Variants in CDH4 observed in about 807,000 individuals in gnomAD.
CDH4 encodes the protein cadherin-4.
In CDH4, 33 loss-of-function variants were observed where a neutral mutation model predicts 86.0. The ratio of observed to expected loss-of-function variants is 0.38; its 90% confidence interval spans 0.29 to 0.51. The LOEUF (loss-of-function observed/expected upper bound fraction) is 0.51. CDH4 is among the 20% of genes least tolerant of loss of function. The pLI is 0.86. For missense variants in CDH4, 1,114 were observed against 1,307.4 expected, an observed-to-expected ratio of 0.85 and a Z score of 2.28; for synonymous variants, 555 against 549.4, an observed-to-expected ratio of 1.01 and a Z score of -0.14.
intron 2 of CDH4, among the ~76,000 whole-genome samples, chr20:61,357,759 G>C (rs2084759328): frequency 6.6e-6 from 1 of 152,300 alleles, no homozygotes; most frequent in Non-Finnish European, 1.5e-5. Context: ...GCTAATCCAA[G>C]GGTTGTAAAA....
intron 2 of CDH4, among the ~76,000 whole-genome samples, chr20:61,308,671 G>C (rs1357165525): frequency 6.6e-6 from 1 of 152,190 alleles, no homozygotes; most frequent in East Asian, 1.9e-4. Flanking sequence ...GTGTTTCCTT[G>C]TCTGATGTGG....
intron 2 of CDH4, among the ~76,000 whole-genome samples, chr20:61,507,301 G>A (rs769341499): frequency 7.2e-5 from 11 of 152,118 alleles, no homozygotes; most frequent in Non-Finnish European, 1.0e-4. Flanking sequence ...TATAATAACC[G>A]TCTTCAGATA....
chr20:61,409,454 AT>A, intron 2 of CDH4, among the ~76,000 whole-genome samples: 1 of 152,362 alleles, frequency 6.6e-6, no homozygotes, highest in East Asian at 1.9e-4. Flanking sequence ...CAAATTGAAA[AT>A]TAAGCATCCA....
chr20:61,599,880 T>C (rs2086585212), intron 2 of CDH4: 2 of 985,308 alleles, frequency 2.0e-6, no homozygotes, highest in African/African-American at 3.5e-5. Flanking sequence ...AGCAATCTTC[T>C]CAGCCGTGCA....
intron 2 of CDH4, among the ~76,000 whole-genome samples, chr20:61,449,251 G>C (rs1292727041): frequency 2.0e-5 from 3 of 151,996 alleles, no homozygotes; most frequent in Non-Finnish European, 4.4e-5. Flanking sequence ...CCACGGGGGG[G>C]CCGAGGGACC....
At chr20:61,279,106 C>T (rs1400845642) in intron 2 of CDH4, among the ~76,000 whole-genome samples, 1 of 152,222 alleles carries the variant, frequency 6.6e-6, no homozygotes, top group African/African-American at 2.4e-5. Flanking sequence ...GTAGGCATGA[C>T]TGACGTTCCT....
intron 2 of CDH4, among the ~76,000 whole-genome samples, chr20:61,310,085 TCA>T (rs2084437300): frequency 6.6e-6 from 1 of 152,068 alleles, no homozygotes; most frequent in African/African-American, 2.4e-5. Flanking sequence ...ATGGCTTAGG[TCA>T]CCTGCCCCCC....
chr20:61,783,784 G>A (rs75631248), intron 4 of CDH4, among the ~76,000 whole-genome samples: 2,214 of 38,440 alleles, frequency 0.058, 285 homozygotes, highest in East Asian at 0.17. Context: ...GACAGTTCTC[G>A]AGGCCCTCAG....
intron 2 of CDH4, among the ~76,000 whole-genome samples, chr20:61,698,382 C>T (rs2087737836): frequency 6.6e-6 from 1 of 152,276 alleles, no homozygotes; most frequent in Admixed American, 6.5e-5. Flanking sequence ...CCCAGTGGGG[C>T]TGTGCCAGGC....
chr20:61,848,660 G>T (rs1320366550), intron 5 of CDH4, among the ~76,000 whole-genome samples: 1 of 152,132 alleles, frequency 6.6e-6, no homozygotes, highest in Non-Finnish European at 1.5e-5. Context: ...CAGGTAGCTG[G>T]AACTACAGGC....
At chr20:61,725,278 GC>G (rs753703424) in intron 2 of CDH4, among the ~76,000 whole-genome samples, 2 of 152,158 alleles carry the variant, frequency 1.3e-5, no homozygotes, top group Non-Finnish European at 2.9e-5. Context: ...GAAGGGCCTT[GC>G]CCCGCACACA....
At chr20:61,320,055 A>G (rs1007646345) in intron 2 of CDH4, among the ~76,000 whole-genome samples, 2 of 152,190 alleles carry the variant, frequency 1.3e-5, no homozygotes, top group Middle Eastern at 3.4e-3. Context: ...GATAGATCTC[A>G]TGTTAAATGT....
intron 2 of CDH4, among the ~76,000 whole-genome samples, chr20:61,380,180 A>T (rs1307161270): frequency 6.6e-6 from 1 of 152,282 alleles, no homozygotes; most frequent in Admixed American, 6.5e-5. Flanking sequence ...AAATCTCATT[A>T]AGCTATTTAT....
rs537298871 is a variant in CDH4 at position 61,348,378 on chromosome 20, G to A, written c.169+93441G>A. On this transcript the variant is annotated intron_variant, in intron 2 of 15. Transcript: ENST00000614565. Reference sequence around the variant, plus strand: ...CCCCCATGATTCAATTACCTCCCACGGGGTCCCTCCCATGACACATGGGAA... The same window carrying A: ...CCCCCATGATTCAATTACCTCCCACAGGGTCCCTCCCATGACACATGGGAA... Among the ~76,000 whole-genome samples the A allele has an allele frequency of 1.8e-4, 28 of 152,110 alleles. 1 individual carries two copies. The highest frequency in any genetic ancestry group is 6.5e-4 in the African/African-American group (27 of 41,516).
intron 2 of CDH4, among the ~76,000 whole-genome samples, chr20:61,723,372 C>T (rs1251157634): frequency 6.6e-6 from 1 of 152,172 alleles, no homozygotes; most frequent in African/African-American, 2.4e-5. Context: ...CACCGTGCGC[C>T]ATGGGGCAAG....
intron 2 of CDH4, among the ~76,000 whole-genome samples, chr20:61,395,432 C>T (rs2085011372): frequency 6.6e-6 from 1 of 152,066 alleles, no homozygotes; most frequent in Non-Finnish European, 1.5e-5. Flanking sequence ...ACGTACATGG[C>T]ATTATTAATA....
chr20:61,349,502 C>T (rs1259633060), intron 2 of CDH4, among the ~76,000 whole-genome samples: 1 of 152,216 alleles, frequency 6.6e-6, no homozygotes, highest in African/African-American at 2.4e-5. Flanking sequence ...CCTGCAGGTG[C>T]CCGGGAAGGG....
intron 2 of CDH4, among the ~76,000 whole-genome samples, chr20:61,537,086 G>A (rs75520449): frequency 0.038 from 5,834 of 152,244 alleles, 300 homozygotes; most frequent in African/African-American, 0.11. Flanking sequence ...GTAGACAGGC[G>A]TTCACTGGGG....
chr20:61,763,081 G>A (rs952020483), intron 3 of CDH4, among the ~76,000 whole-genome samples: 1 of 152,238 alleles, frequency 6.6e-6, no homozygotes, highest in Non-Finnish European at 1.5e-5. Context: ...CTGGCCGCTG[G>A]GCGGGATGAC....
Sources: allele counts gnomAD v4.1 joint callset (sites outside exome capture counted in the v4.1 genomes callset), GRCh38; gene constraint gnomAD v4.1.1; transcripts MANE v1.5; gene names NCBI Gene and HGNC (gene_info 2026-07-23, HGNC 2026-07-21).